The following OLFML2A variants were observed in gnomAD, a reference collection of about 807,000 sequenced individuals.
The protein encoded by OLFML2A is olfactomedin like 2A.
In OLFML2A, 47 loss-of-function variants were observed where a neutral mutation model predicts 60.9. That is an observed-to-expected ratio of 0.77 (90% CI 0.61 to 0.98). The LOEUF (loss-of-function observed/expected upper bound fraction) is 0.98, where lower values mean the gene tolerates loss of function less well. OLFML2A is among the 50% of genes least tolerant of loss of function. OLFML2A has a pLI of 0.00. For missense variants in OLFML2A, 922 were observed against 879.8 expected (o/e 1.05, Z -0.61); for synonymous variants, 372 against 375.0 (o/e 0.99, Z 0.09).
rs1244275709 is a variant in OLFML2A, at chr9:124,777,892, G to A, written c.90+532G>A. On this transcript the variant is annotated intron_variant, in intron 1 of 7. Coordinates refer to ENST00000373580, the MANE Select transcript of OLFML2A (RefSeq NM_182487.4). This position sits in a 1 kb window ranked among gnomAD's most constrained non-coding sequence, Gnocchi z 6.2. The stretch of plus-strand genomic sequence containing the variant: ...GTGGTCTGAGCTGTTCTCTGCTGTG[G>A]CTAAGAGGATCTGCTCTGGTGTCAA... Among the ~76,000 whole-genome samples the A allele has an allele frequency of 6.6e-6, 1 of 152,180 alleles. No homozygotes were observed. Among genetic ancestry groups the A allele is most frequent in the Non-Finnish European group, 1.5e-5 (1 of 68,028 alleles).
intron 6 of OLFML2A, among the ~76,000 whole-genome samples, chr9:124,805,587 C>G (rs917702082): frequency 6.6e-6 from 1 of 151,882 alleles, no homozygotes; most frequent in Non-Finnish European, 1.5e-5. Context: ...GAAGGAAATG[C>G]CACATGTTTA....
intron 6 of OLFML2A, among the ~76,000 whole-genome samples, chr9:124,805,808 GTTTTTTTT>G (rs59555267): frequency 4.2e-5 from 3 of 71,266 alleles, no homozygotes; most frequent in African/African-American, 1.1e-4. Flanking sequence ...GGTTTTTTTG[GTTTTTTTT>G]TTTTTTTTTT....
intron 2 of OLFML2A, among the ~76,000 whole-genome samples, chr9:124,790,282 A>C (rs141446036): frequency 1.3e-5 from 2 of 151,876 alleles, no homozygotes; most frequent in African/African-American, 4.8e-5. Flanking sequence ...AGTGATTCTC[A>C]TCTCAGCCTC....
chr9:124,801,723 C>T, intron 5 of OLFML2A, 60 bp downstream of exon 5: 3 of 1,542,520 alleles, frequency 1.9e-6, no homozygotes, highest in Non-Finnish European at 2.7e-6. Flanking sequence ...CTAGGAATCC[C>T]CTCATCTTCT....
chr9:124,806,282 A>G (rs961962974), intron 6 of OLFML2A, among the ~76,000 whole-genome samples: 1 of 151,992 alleles, frequency 6.6e-6, no homozygotes, highest in African/African-American at 2.4e-5. Flanking sequence ...TGCAGAAAGA[A>G]TAATTTTTTT....
intron 2 of OLFML2A, among the ~76,000 whole-genome samples, chr9:124,791,791 G>A (rs10760376): frequency 0.52 from 78,320 of 149,454 alleles, 20,652 homozygotes; most frequent in Admixed American, 0.63. Context: ...GACATACACA[G>A]GATAAATCTA....
intron 2 of OLFML2A, among the ~76,000 whole-genome samples, chr9:124,792,124 G>A (rs756726778): frequency 2.0e-5 from 3 of 152,172 alleles, no homozygotes; most frequent in Non-Finnish European, 4.4e-5. Context: ...CCACACCTGC[G>A]CCCGGAAAAG....
At chr9:124,801,957 C>T (rs1407682257) in intron 5 of OLFML2A, among the ~76,000 whole-genome samples, 1 of 152,170 alleles carries the variant, frequency 6.6e-6, no homozygotes, top group African/African-American at 2.4e-5. Context: ...TCCGCTCTGA[C>T]CAGGTGACAG....
At chr9:124,801,099 C>T (rs1841766147) in intron 4 of OLFML2A, 1 of 1,531,098 alleles carries the variant, frequency 6.5e-7, no homozygotes, top group Non-Finnish European at 8.9e-7. Flanking sequence ...GAGGCTGCCT[C>T]CCAGGGAGCT....
chr9:124,810,471 C>T lies in OLFML2A; in HGVS notation c.*59C>T. 1.3e-6 allele frequency: 2 copies of T among 1,484,996 alleles called. No homozygotes were observed. The allele number at this position is 1,484,996 out of a possible 1,614,324, so 92.0% of individuals were successfully genotyped here. A position where few individuals can be genotyped will look rare whatever the true frequency, so the allele number is the denominator to read the frequency against. ...GTGCGGGAGGGGCTTTGCACAGCAG[C>T]TCCTGCAACTGACCCAGTCCGCAAA... On this transcript the variant is annotated 3_prime_UTR_variant, in exon 8 of 8. Coordinates refer to ENST00000373580, the MANE Select transcript of OLFML2A (RefSeq NM_182487.4).
intron 6 of OLFML2A, among the ~76,000 whole-genome samples, 176 bp downstream of exon 6, chr9:124,804,518 G>A (rs946235733): frequency 2.0e-4 from 30 of 152,188 alleles, no homozygotes; most frequent in African/African-American, 7.0e-4. Context: ...GAGGTCAGGA[G>A]TTCAAGACCA....
chr9:124,814,101 T>G lies in OLFML2A; in HGVS notation c.*3689T>G, dbSNP rs938168573. 1 of 152,224 alleles carries G rather than the reference T, an allele frequency of 6.6e-6. No individual in the cohort carries two copies. The highest frequency in any genetic ancestry group is 1.5e-5 in the Non-Finnish European group (1 of 68,054). The allele number at this position is 152,224 out of a possible 1,614,324, so 9.4% of individuals were successfully genotyped here. On this transcript the variant is annotated 3_prime_UTR_variant, in exon 8 of 8. Coordinates refer to ENST00000373580, the MANE Select transcript of OLFML2A (RefSeq NM_182487.4). ...TCCAGGCCTTACATTTAATCGGCTT[T>G]CTCTGCGGTGGGGTAGAGAATGGAG...
At chr9:124,809,568 T>C (rs908545979) in intron 7 of OLFML2A, among the ~76,000 whole-genome samples, 5 of 151,602 alleles carry the variant, frequency 3.3e-5, no homozygotes, top group Non-Finnish European at 5.9e-5. Flanking sequence ...AGCTGTGCCA[T>C]TCCAGAGCTG....
chr9:124,778,870 G>A (rs1439816553), intron 1 of OLFML2A: 1 of 618,762 alleles, frequency 1.6e-6, no homozygotes, highest in Non-Finnish European at 2.0e-6. Context: ...CAGAGCCCTG[G>A]TCACAGAGCG....
At position 124,779,077 on chromosome 9, in the gene OLFML2A, C is replaced by T; in HGVS notation, c.90+1717C>T. 1 of 334,526 alleles carries T rather than the reference C, an allele frequency of 3.0e-6. No individual in the cohort carries two copies. Among genetic ancestry groups the T allele is most frequent in the Non-Finnish European group, 4.3e-6 (1 of 235,138 alleles). The allele number at this position is 334,526 out of a possible 1,614,324, so 20.7% of individuals were successfully genotyped here. A position where few individuals can be genotyped will look rare whatever the true frequency, so the allele number is the denominator to read the frequency against. On this transcript the variant is annotated intron_variant, in intron 1 of 7. Coordinates refer to ENST00000373580, the MANE Select transcript of OLFML2A (RefSeq NM_182487.4). This position sits in a 1 kb window ranked among gnomAD's most constrained non-coding sequence, Gnocchi z 4.1. ...ACCCACGTACAACGCTGCTCATGTA[C>T]TCCAGAGACAAGGAGGGAATGAGTA...
chr9:124,787,157 C>A lies in OLFML2A; in HGVS notation c.273C>A (p.Thr91=), dbSNP rs769908690. The stretch of plus-strand genomic sequence containing the variant: ...GCACTGACTGCCGCTGCTCCTGTAC[C>A]GCACCTCCCTCCTCTCTCAACCCCT... ...SSGTDCRCSC[T]APPSSLNPCE... The change falls in exon 2 of 8, where the codon ACC becomes ACA. Residue 91 remains threonine (T), a synonymous_variant. Transcript: ENST00000373580. 6.2e-7 allele frequency: 1 copy of A among 1,614,158 alleles called. No homozygotes were observed. Among genetic ancestry groups the A allele is most frequent in the Non-Finnish European group, 8.5e-7 (1 of 1,180,006 alleles).
chr9:124,785,081 G>A (rs1428175582), intron 1 of OLFML2A, among the ~76,000 whole-genome samples: 1 of 147,412 alleles, frequency 6.8e-6, no homozygotes, highest in East Asian at 2.1e-4. Context: ...AGCCTCCCTA[G>A]TAGCTGGGGC....
Position 124,787,117 on chromosome 9 carries a change from A to G in OLFML2A, c.233A>G (p.Glu78Gly), listed in dbSNP as rs1192384677. ...RARVEDFYTVETVSSGTDCRC... is the reference protein window; with the variant it reads ...RARVEDFYTVGTVSSGTDCRC... Reference sequence around the variant, plus strand: ...CGCGTGGAGGACTTCTACACGGTGGAGACTGTGAGCTCGGGCACTGACTGC... The same window carrying G: ...CGCGTGGAGGACTTCTACACGGTGGGGACTGTGAGCTCGGGCACTGACTGC... Residue 78 changes from glutamate (E) to glycine (G), a missense_variant, in exon 2 of 8, where the codon GAG becomes GGG. Physicochemically the swap from Glu to Gly is moderately conservative, Grantham distance 98 (BLOSUM62 -2). Transcript: ENST00000373580. 4.3e-6 allele frequency: 7 copies of G among 1,614,188 alleles called. No homozygotes were observed. The highest frequency in any genetic ancestry group is 5.9e-6 in the Non-Finnish European group (7 of 1,180,040).
intron 5 of OLFML2A, 90 bp from the exon 6 acceptor site, chr9:124,804,003 GC>G: frequency 6.9e-7 from 1 of 1,442,962 alleles, no homozygotes; most frequent in East Asian, 2.3e-5. Flanking sequence ...CTCCCTGAGG[GC>G]CCCTGAGATG....
Sources: gnomAD v4.1 joint callset for allele counts (sites outside exome capture counted in the v4.1 genomes callset) on GRCh38, gnomAD v4.1.1 for gene constraint, Gnocchi (gnomAD v3.1) non-coding constraint, MANE v1.5 for transcripts, NCBI Gene and HGNC (gene_info 2026-07-23, HGNC 2026-07-21) for gene names.